Variants in SLURP1 observed in about 807,000 individuals in gnomAD.
The protein encoded by SLURP1 is secreted LY6/PLAUR domain containing 1.
A neutral mutation model predicts 7.9 loss-of-function variants in SLURP1; 2 were observed. The observed-to-expected ratio is 0.25, with a 90% confidence interval of 0.10 to 0.79. The LOEUF is 0.79. Ranked by LOEUF, SLURP1 falls within the 30% of genes least tolerant of loss-of-function variation. SLURP1 has a pLI of 0.69. For synonymous variants in SLURP1, 59 were observed against 54.9 expected (o/e 1.07, Z -0.33); for missense variants, 111 against 139.8 (o/e 0.79, Z 1.04).
chr8:142,741,420 C>A lies in SLURP1; in HGVS notation c.179-144G>T. ...CACATCTGTGAAGCCACCCAGGGCC[C>A]AGCCCTCCTCTGACTGTGACCTGTT... On this transcript the variant is annotated intron_variant, in intron 2 of 2. Transcript: ENST00000246515. The surrounding 1 kb of genome is among the most constrained non-coding windows in gnomAD (Gnocchi z 4.3). The A allele has an allele frequency of 8.7e-7, 1 of 1,150,022 alleles. No individual in the cohort carries two copies. The highest frequency in any genetic ancestry group is 1.2e-6 in the Non-Finnish European group (1 of 828,990). The allele number at this position is 1,150,022 out of a possible 1,614,324, so 71.2% of individuals were successfully genotyped here.
intron 1 of SLURP1, 135 bp from the exon 2 acceptor site, chr8:142,742,057 A>G (rs57270808): frequency 2.9e-6 from 4 of 1,403,412 alleles, no homozygotes; most frequent in Middle Eastern, 1.9e-4. Flanking sequence ...CCTCTCTGGC[A>G]GCTTTCTCTA....
chr8:142,742,387 G>A lies in SLURP1; in HGVS notation c.-2C>T. 6.2e-7 allele frequency: 1 copy of A among 1,612,936 alleles called. No homozygotes were observed. Among genetic ancestry groups the A allele is most frequent in the Non-Finnish European group, 8.5e-7 (1 of 1,179,988 alleles). On this transcript the variant is annotated 5_prime_UTR_variant, in exon 1 of 3. Transcript: ENST00000246515. ...CTGCACAGCCCAGCGAGAGGCCATT[G>A]CTCCGTGCTCAGAAGTGATGAGAGG...
rs777870019 is a variant in SLURP1 at position 142,741,534 on chromosome 8, G to A, written c.179-258C>T. Among the ~76,000 whole-genome samples, 1 of 152,220 alleles carries A rather than the reference G, an allele frequency of 6.6e-6. No homozygotes were observed. Among genetic ancestry groups the A allele is most frequent in the Non-Finnish European group, 1.5e-5 (1 of 68,034 alleles). On this transcript the variant is annotated intron_variant, in intron 2 of 2. Coordinates refer to ENST00000246515, the MANE Select transcript of SLURP1 (RefSeq NM_020427.3). The surrounding 1 kb of genome is among the most constrained non-coding windows in gnomAD (Gnocchi z 4.3). The stretch of plus-strand genomic sequence containing the variant: ...GAGGCTGTGGCAACACCACCCAGTG[G>A]GTCTGTGTCAGAGCTGGGGTTTGAG...
rs200448251 is a variant in SLURP1 at position 142,741,233 on chromosome 8, G to A, written c.222C>T (p.Ser74=). The A allele has an allele frequency of 1.2e-6, 2 of 1,609,812 alleles. No homozygotes were observed. Among genetic ancestry groups the A allele is most frequent in the African/African-American group, 1.3e-5 (1 of 74,976 alleles). The change falls in exon 3 of 3, where the codon TCC becomes TCT. Residue 74 remains serine (S), a synonymous_variant. Transcript: ENST00000246515. The surrounding 1 kb of genome is among the most constrained non-coding windows in gnomAD (Gnocchi z 4.3). ...NQSPVVTRSC[S]SSCVATDPDS... Reference sequence around the variant, plus strand: ...CGGGGTCGGTGGCCACACAGGAGCTGGAGCAGGAGCGGGTCACCACGGGGC... The same window carrying A: ...CGGGGTCGGTGGCCACACAGGAGCTAGAGCAGGAGCGGGTCACCACGGGGC...
intron 1 of SLURP1, 145 bp downstream of exon 1, chr8:142,742,183 G>T: frequency 9.7e-7 from 1 of 1,033,126 alleles, no homozygotes; most frequent in Non-Finnish European, 1.5e-6. Context: ...TGGGACCCAG[G>T]AGGCTCACTG....
rs1477795185 is a variant in SLURP1 at position 142,741,776 on chromosome 8, C to T, written c.178+27G>A. On this transcript the variant is annotated intron_variant, in intron 2 of 2. Coordinates refer to ENST00000246515, the MANE Select transcript of SLURP1 (RefSeq NM_020427.3). The surrounding 1 kb of genome is among the most constrained non-coding windows in gnomAD (Gnocchi z 4.3). ...GAGGTGGCCCTGACTCCAGTGCACC[C>T]AGGGCTGCCGTGGGGCCTGGCCTCA... is the stretch of plus-strand genomic sequence containing the variant. 2 of 1,607,542 alleles carry T rather than the reference C, an allele frequency of 1.2e-6. No homozygotes were observed. Among genetic ancestry groups the T allele is most frequent in the Non-Finnish European group, 1.7e-6 (2 of 1,179,876 alleles).
Position 142,742,362 on chromosome 8 carries a change from C to A in SLURP1, c.24G>T (p.Gln8His). ...TGCTCCAGGCTGCCACGAGCAGCAG[C>A]TGCACAGCCCAGCGAGAGGCCATTG... MASRWAV[Q>H]LLLVAAWSMG... Residue 8 changes from glutamine to histidine, a missense_variant, in exon 1 of 3, where the codon CAG (glutamine) becomes CAT (histidine). Transcript: ENST00000246515. 6.2e-7 allele frequency: 1 copy of A among 1,613,026 alleles called. No individual in the cohort carries two copies. The highest frequency in any genetic ancestry group is 8.5e-7 in the Non-Finnish European group (1 of 1,180,034).
rs1414552378 is a variant in SLURP1 at position 142,741,006 on chromosome 8, T to C, written c.*137A>G. On this transcript the variant is annotated 3_prime_UTR_variant, in exon 3 of 3. Transcript: ENST00000246515. This position sits in a 1 kb window ranked among gnomAD's most constrained non-coding sequence, Gnocchi z 4.3. ...TATGGAAGGCAGAGGGCGCCCCTGG[T>C]GTGCTTCTCTCCCCTCAGACCCCAT... The C allele has an allele frequency of 1.1e-5, 14 of 1,298,472 alleles. No homozygotes were observed. In the African/African-American group the frequency reaches 1.9e-4, roughly 18 times the overall value. The allele number at this position is 1,298,472 out of a possible 1,614,324, so 80.4% of individuals were successfully genotyped here.
At position 142,741,982 on chromosome 8, in the gene SLURP1, C is replaced by A; in HGVS notation, c.59-60G>T. 6.2e-7 allele frequency: 1 copy of A among 1,601,326 alleles called. No individual in the cohort carries two copies. Among genetic ancestry groups the A allele is most frequent in the Admixed American group, 1.7e-5 (1 of 59,788 alleles). ...GACCTCGGTGGCCTCATCCTGGAAC[C>A]AGGAGGCAGGGGCTGAAGGAGTCTC... On this transcript the variant is annotated intron_variant, in intron 1 of 2. Transcript: ENST00000246515. This position sits in a 1 kb window ranked among gnomAD's most constrained non-coding sequence, Gnocchi z 4.3.
In SLURP1 at chr8:142,741,915, G is replaced by A. The variant is rs759300736; in HGVS notation, c.66C>T (p.Ala22=). 1 of 1,612,286 alleles carries A rather than the reference G, an allele frequency of 6.2e-7. No individual in the cohort carries two copies. The highest frequency in any genetic ancestry group is 1.1e-5 in the South Asian group (1 of 91,076). Residue 22 remains alanine, a synonymous_variant, in exon 2 of 3, where the codon GCC becomes GCT. Coordinates refer to ENST00000246515, the MANE Select transcript of SLURP1 (RefSeq NM_020427.3). This position sits in a 1 kb window ranked among gnomAD's most constrained non-coding sequence, Gnocchi z 4.3. ...GCTCCTTGCAGGTGTAGCACTTGAG[G>A]GCCTCACCTGGGTGAGGGATGGGGG... The part of the protein sequence containing the change: ...VAAWSMGCGE[A]LKCYTCKEPM...
In SLURP1 at chr8:142,741,149, T is replaced by C; in HGVS notation, c.306A>G (p.Glu102=). 1.9e-6 allele frequency: 3 copies of C among 1,605,040 alleles called. No individual in the cohort carries two copies. Among genetic ancestry groups the C allele is most frequent in the Non-Finnish European group, 2.5e-6 (3 of 1,179,790 alleles). ...FCCFRDLCNS[E]L is the part of the protein sequence containing the mutation. ...CCGCCCTGCCGCCCTGGGTTCAGAG[T>C]TCCGAGTTGCAGAGGTCTCGGAAGC... Residue 102 remains glutamate, a synonymous_variant, in exon 3 of 3, where the codon GAA becomes GAG. Transcript: ENST00000246515. The surrounding 1 kb of genome is among the most constrained non-coding windows in gnomAD (Gnocchi z 4.3).
In SLURP1 at chr8:142,741,126, G is replaced by T. The variant is rs753848486; in HGVS notation, c.*17C>A. The stretch of plus-strand genomic sequence containing the variant: ...AGGAGGTGCCTGAGGAGCACCTTCC[G>T]CCCTGCCGCCCTGGGTTCAGAGTTC... On this transcript the variant is annotated 3_prime_UTR_variant, in exon 3 of 3. Coordinates refer to ENST00000246515, the MANE Select transcript of SLURP1 (RefSeq NM_020427.3). The surrounding 1 kb of genome is among the most constrained non-coding windows in gnomAD (Gnocchi z 4.3). 2 of 1,601,698 alleles carry T rather than the reference G, an allele frequency of 1.2e-6. No individual in the cohort carries two copies. The highest frequency in any genetic ancestry group is 1.7e-5 in the Admixed American group (1 of 59,984).
Position 142,740,955 on chromosome 8 carries a change from C to G in SLURP1, c.*188G>C, listed in dbSNP as rs1815852986. ...GGACAAAAGTCATGTCCACTCTTGG[C>G]TTAGTTATGTTTTATAAGCGTGGGG... On this transcript the variant is annotated 3_prime_UTR_variant, in exon 3 of 3. Coordinates refer to ENST00000246515, the MANE Select transcript of SLURP1 (RefSeq NM_020427.3). 3.8e-6 allele frequency: 3 copies of G among 790,754 alleles called. No homozygotes were observed. Among genetic ancestry groups the G allele is most frequent in the Non-Finnish European group, 2.0e-6 (1 of 490,744 alleles). 49.0% of individuals were successfully genotyped at this position (790,754 alleles called of 1,614,324 possible). A position where few individuals can be genotyped will look rare whatever the true frequency, so the allele number is the denominator to read the frequency against.
Position 142,742,332 on chromosome 8 carries a change from G to A in SLURP1, c.54C>T (p.Gly18=), listed in dbSNP as rs151266071. 4 of 1,612,946 alleles carry A rather than the reference G, an allele frequency of 2.5e-6. No individual in the cohort carries two copies. Among genetic ancestry groups the A allele is most frequent in the Non-Finnish European group, 3.4e-6 (4 of 1,180,002 alleles). The stretch of plus-strand genomic sequence containing the variant: ...ACCAGCCTGCGGCCCACTCACCACA[G>A]CCCATGCTCCAGGCTGCCACGAGCA... ...QLLLVAAWSM[G]CGEALKCYTC... is the part of the protein sequence containing the mutation. The change falls in exon 1 of 3, where the codon GGC becomes GGT. Residue 18 remains glycine (G), a synonymous_variant. Transcript: ENST00000246515.
In SLURP1 at chr8:142,741,964, G is replaced by A; in HGVS notation, c.59-42C>T. 6.2e-7 allele frequency: 1 copy of A among 1,605,992 alleles called. No homozygotes were observed. Among genetic ancestry groups the A allele is most frequent in the Non-Finnish European group, 8.5e-7 (1 of 1,179,684 alleles). On this transcript the variant is annotated intron_variant, in intron 1 of 2. Coordinates refer to ENST00000246515, the MANE Select transcript of SLURP1 (RefSeq NM_020427.3). This position sits in a 1 kb window ranked among gnomAD's most constrained non-coding sequence, Gnocchi z 4.3. ...GGCAGAACCTCATCACCTGACCTCG[G>A]TGGCCTCATCCTGGAACCAGGAGGC...
chr8:142,740,973 G>C lies in SLURP1; in HGVS notation c.*170C>G. ...CTCTTGGCTTAGTTATGTTTTATAA[G>C]CGTGGGGTATGGAAGGCAGAGGGCG... On this transcript the variant is annotated 3_prime_UTR_variant, in exon 3 of 3. Transcript: ENST00000246515. The C allele has an allele frequency of 1.1e-6, 1 of 882,002 alleles. No homozygotes were observed. The highest frequency in any genetic ancestry group is 1.8e-6 in the Non-Finnish European group (1 of 564,122). 54.6% of individuals were successfully genotyped at this position (882,002 alleles called of 1,614,324 possible).
chr8:142,742,396 T>A lies in SLURP1; in HGVS notation c.-11A>T. 1 of 1,612,816 alleles carries A rather than the reference T, an allele frequency of 6.2e-7. No individual in the cohort carries two copies. Among genetic ancestry groups the A allele is most frequent in the Non-Finnish European group, 8.5e-7 (1 of 1,179,932 alleles). ...CCAGCGAGAGGCCATTGCTCCGTGC[T>A]CAGAAGTGATGAGAGGTAGCCAGCC... On this transcript the variant is annotated 5_prime_UTR_variant, in exon 1 of 3. Coordinates refer to ENST00000246515, the MANE Select transcript of SLURP1 (RefSeq NM_020427.3).
At position 142,742,178 on chromosome 8, in the gene SLURP1, C is replaced by A. The variant is rs1815882340; in HGVS notation, c.58+150G>T. 5 of 1,020,400 alleles carry A rather than the reference C, an allele frequency of 4.9e-6. No homozygotes were observed. The East Asian group carries it at 1.3e-4, about 26-fold the overall frequency. The allele number at this position is 1,020,400 out of a possible 1,614,324, so 63.2% of individuals were successfully genotyped here. ...CCCAGGGTGAAGCTGGGCTCTGGGA[C>A]CCAGGAGGCTCACTGAGAATGAGGA... is the stretch of plus-strand genomic sequence containing the variant. On this transcript the variant is annotated intron_variant, in intron 1 of 2. Transcript: ENST00000246515.
In SLURP1 at chr8:142,741,737, G is replaced by A; in HGVS notation, c.178+66C>T. The A allele has an allele frequency of 6.3e-7, 1 of 1,599,644 alleles. No individual in the cohort carries two copies. Among genetic ancestry groups the A allele is most frequent in the Admixed American group, 1.7e-5 (1 of 59,958 alleles). ...GCCGGGAGGAGCACCAGCAAAGGAG[G>A]GAGGCACTTGGGGGAGGTGGCCCTG... On this transcript the variant is annotated intron_variant, in intron 2 of 2. Transcript: ENST00000246515. The surrounding 1 kb of genome is among the most constrained non-coding windows in gnomAD (Gnocchi z 4.3).
Sources: allele counts gnomAD v4.1 joint callset (sites outside exome capture counted in the v4.1 genomes callset), GRCh38; gene constraint gnomAD v4.1.1; non-coding constraint Gnocchi (gnomAD v3.1); transcripts MANE v1.5; gene names NCBI Gene and HGNC (gene_info 2026-07-23, HGNC 2026-07-21).